NELL2: variants seen among roughly 807,000 people sequenced by gnomAD.
NELL2 encodes the protein neural EGFL like 2, also known as protein kinase C-binding protein NELL2.
A neutral mutation model predicts 109.6 loss-of-function variants in NELL2; 41 were observed. The ratio of observed to expected loss-of-function variants is 0.37; its 90% CI spans 0.29 to 0.49. The LOEUF (loss-of-function observed/expected upper bound fraction) is 0.49, where lower values mean the gene tolerates loss of function less well. Ranked by LOEUF, NELL2 falls within the 20% of genes least tolerant of loss-of-function variation. NELL2 has a pLI of 0.98. For missense variants in NELL2, 900 were observed against 1,008.3 expected (o/e 0.89, Z 1.45); for synonymous variants, 355 against 344.7 (o/e 1.03, Z -0.33).
chr12:44,817,118 T>G (rs1049717734), intron 2 of NELL2, among the ~76,000 whole-genome samples: 1 of 152,214 alleles, frequency 6.6e-6, no homozygotes, highest in Non-Finnish European at 1.5e-5. Context: ...GATTGTCTCA[T>G]GCACTGTAAA....
chr12:44,808,442 G>T (rs1243077038), intron 3 of NELL2, among the ~76,000 whole-genome samples: 5 of 151,782 alleles, frequency 3.3e-5, no homozygotes, highest in Non-Finnish European at 5.9e-5. Flanking sequence ...AATAAGGGAG[G>T]TATTAAAATA....
chr12:44,843,304 G>A (rs1944281101), intron 2 of NELL2, among the ~76,000 whole-genome samples: 1 of 151,894 alleles, frequency 6.6e-6, no homozygotes, highest in Non-Finnish European at 1.5e-5. Context: ...ACATGAAAAA[G>A]TACTTAACAT....
intron 13 of NELL2, among the ~76,000 whole-genome samples, chr12:44,612,462 T>C: frequency 6.6e-6 from 1 of 151,652 alleles, no homozygotes; most frequent in East Asian, 1.9e-4. Flanking sequence ...AACCCAAAAT[T>C]GTACAAAATT....
At chr12:44,526,698 T>C (rs1232851811) in intron 16 of NELL2, among the ~76,000 whole-genome samples, 3 of 152,198 alleles carry the variant, frequency 2.0e-5, no homozygotes, top group South Asian at 2.1e-4. Flanking sequence ...GTGGAAAATA[T>C]GGTTGACGTT....
intron 1 of NELL2, among the ~76,000 whole-genome samples, chr12:44,919,851 G>A (rs1945856016): frequency 6.6e-6 from 1 of 152,162 alleles, no homozygotes; most frequent in African/African-American, 2.4e-5. Context: ...GCCCTAGCAA[G>A]CTAATACATG....
chr12:44,693,317 T>C (rs1948957293), intron 12 of NELL2, among the ~76,000 whole-genome samples: 1 of 152,236 alleles, frequency 6.6e-6, no homozygotes, highest in Non-Finnish European at 1.5e-5. Context: ...ATAATGACAT[T>C]GCACACTTAG....
At chr12:44,676,047 A>G (rs1948304886) in intron 12 of NELL2, among the ~76,000 whole-genome samples, 2 of 152,124 alleles carry the variant, frequency 1.3e-5, no homozygotes, top group African/African-American at 4.8e-5. Context: ...CTGTAAAAAG[A>G]TTATATTAGT....
chr12:44,774,876 T>G (rs1384302878), intron 8 of NELL2, 27 bp from the exon 9 acceptor site: 2 of 1,536,326 alleles, frequency 1.3e-6, no homozygotes, highest in African/African-American at 2.7e-5. Context: ...ATTTAAAGAA[T>G]TTCCATGTTA....
chr12:44,574,167 G>T (rs965525905), intron 15 of NELL2, among the ~76,000 whole-genome samples: 26 of 151,906 alleles, frequency 1.7e-4, no homozygotes, highest in African/African-American at 4.4e-4. Context: ...GGGTTCAAGT[G>T]ATCTCGGCTC....
chr12:44,891,946 T>C (rs961959616), intron 1 of NELL2, among the ~76,000 whole-genome samples: 1 of 152,210 alleles, frequency 6.6e-6, no homozygotes, highest in African/African-American at 2.4e-5. Flanking sequence ...AGCCTATAAT[T>C]TAAAGACTGA....
intron 13 of NELL2, among the ~76,000 whole-genome samples, chr12:44,652,012 T>G (rs563247468): frequency 2.4e-3 from 361 of 152,276 alleles, no homozygotes; most frequent in Non-Finnish European, 4.4e-3. Flanking sequence ...CAAAATATTT[T>G]GAATTTTTAA....
chr12:44,755,715 T>C (rs1321873150), intron 9 of NELL2, among the ~76,000 whole-genome samples: 3 of 152,186 alleles, frequency 2.0e-5, no homozygotes, highest in African/African-American at 4.8e-5. Flanking sequence ...TCCTGTTCCA[T>C]ATGAACTAAC....
At chr12:44,809,593 C>T (rs1943109572) in intron 3 of NELL2, among the ~76,000 whole-genome samples, 1 of 152,100 alleles carries the variant, frequency 6.6e-6, no homozygotes, top group South Asian at 2.1e-4. Context: ...TAATATCAGC[C>T]TCTATTTAAG....
chr12:44,737,160 T>C lies in NELL2; in HGVS notation c.995-22419A>G, dbSNP rs575961271. ...TATTAAAATTGGTACTTTTCTAATA[T>C]TCAGAGTGAAGTTGCTCAGATTAAG... On this transcript the variant is annotated intron_variant, in intron 9 of 19. Coordinates refer to ENST00000429094, the MANE Select transcript of NELL2 (RefSeq NM_001145108.2). Among the ~76,000 whole-genome samples the C allele has an allele frequency of 1.8e-3, 275 of 152,190 alleles. 2 individuals are homozygous for C. The highest frequency in any genetic ancestry group is 5.6e-3 in the African/African-American group (234 of 41,558).
chr12:44,831,912 T>G (rs1943899867), intron 2 of NELL2, among the ~76,000 whole-genome samples: 1 of 152,218 alleles, frequency 6.6e-6, no homozygotes, highest in African/African-American at 2.4e-5. Flanking sequence ...CACTGCATTT[T>G]GGGTCTCTTT....
chr12:44,607,214 C>T lies in NELL2; in HGVS notation c.1618G>A (p.Val540Met). 2 of 1,612,866 alleles carry T rather than the reference C, an allele frequency of 1.2e-6. No individual in the cohort carries two copies. ...GTGAAGCCTTGTGGGCAGGCACACA[C>T]ATTAGCGGCAATACAGGCTCCTCCA... ...RNGGACIAAN[V>M]CACPQGFTGP... Residue 540 changes from valine (V) to methionine (M), a missense_variant, in exon 15 of 20, where the codon GTG becomes ATG. Val to Met is a conservative substitution (Grantham distance 21). This residue lies in a region of NELL2 where 333 missense variants were observed against 432.3 expected (regional missense o/e 0.77). Transcript: ENST00000429094.
At chr12:44,635,589 G>C (rs945644419) in intron 13 of NELL2, among the ~76,000 whole-genome samples, 1 of 152,078 alleles carries the variant, frequency 6.6e-6, no homozygotes, top group Non-Finnish European at 1.5e-5. Context: ...AGATCAGATG[G>C]TTGCAGATGT....
rs189115327 is a variant in NELL2 at position 44,897,612 on chromosome 12, C to T, written c.38+16187G>A. 4.6e-5 allele frequency among the ~76,000 whole-genome samples: 7 copies of T among 152,274 alleles called. No homozygotes were observed. The East Asian group carries it at 1.2e-3, about 25-fold the overall frequency. On this transcript the variant is annotated intron_variant, in intron 1 of 20. Transcript: ENST00000333837. The stretch of plus-strand genomic sequence containing the variant: ...CCAGATACTCTGCTTTTCCCAAGGT[C>T]TTCAAAACTGGCAGACCAGGGGATT...
At chr12:44,569,529 TAACTA>T (rs1478950049) in intron 15 of NELL2, among the ~76,000 whole-genome samples, 12 of 152,156 alleles carry the variant, frequency 7.9e-5, no homozygotes, top group Admixed American at 2.0e-4. Context: ...CTATTTCCTT[TAACTA>T]AACTAATCAT....
Sources: gnomAD v4.1 joint callset for allele counts (sites outside exome capture counted in the v4.1 genomes callset) on GRCh38, gnomAD v4.1.1 for gene constraint, gnomAD v4.1.1 regional missense constraint, MANE v1.5 for transcripts, NCBI Gene and HGNC (gene_info 2026-07-23, HGNC 2026-07-21) for gene names.